PDE8B: variants seen among roughly 807,000 people sequenced by gnomAD.
PDE8B encodes high affinity cAMP-specific and IBMX-insensitive 3',5'-cyclic phosphodiesterase 8B.
A neutral mutation model predicts 101.3 loss-of-function variants in PDE8B; 26 were observed. That is an observed-to-expected ratio of 0.26 (90% CI 0.19 to 0.36). PDE8B has a LOEUF of 0.36. Ranked by LOEUF, PDE8B falls within the 10% of genes least tolerant of loss-of-function variation. The pLI is 1.00. For missense variants in PDE8B, 810 were observed against 1,163.1 expected, an observed-to-expected ratio of 0.70 and a Z score of 4.42; for synonymous variants, 424 against 429.3, an observed-to-expected ratio of 0.99 and a Z score of 0.15.
chr5:77,105,723 A>G, the PDE8B span: 1 of 152,226 alleles, frequency 6.6e-6, no homozygotes, highest in East Asian at 1.9e-4. Context: ...AGAAACTGCC[A>G]AAGTATTTTC....
the PDE8B span, chr5:77,086,929 C>T: frequency 6.6e-6 from 1 of 152,322 alleles, no homozygotes; most frequent in Admixed American, 6.5e-5. Flanking sequence ...GCCACAGAAT[C>T]CCGGGCCCAC....
At chr5:77,206,423 G>C (rs554521821), upstream of PDE8B, among the ~76,000 whole-genome samples, 10 of 152,334 alleles carry the variant, frequency 6.6e-5, no homozygotes, top group South Asian at 1.9e-3. Context: ...AGCTATGTGG[G>C]TTGCAATTTC....
intron 10 of PDE8B, among the ~76,000 whole-genome samples, chr5:77,373,027 CAA>C (rs35287095): frequency 1.5e-3 from 209 of 144,006 alleles, no homozygotes; most frequent in Admixed American, 1.9e-3. Context: ...GACTTCATCT[CAA>C]AAAAAAAAAA....
intron 1 of PDE8B, among the ~76,000 whole-genome samples, chr5:77,212,002 A>G (rs149859044): frequency 0.019 from 2,823 of 152,314 alleles, 40 homozygotes; most frequent in Non-Finnish European, 0.028. Context: ...TGATCTTCCC[A>G]GAGAGTGGGA....
At chr5:77,265,569 A>G (rs1761520349) in intron 1 of PDE8B, among the ~76,000 whole-genome samples, 1 of 152,204 alleles carries the variant, frequency 6.6e-6, no homozygotes, top group African/African-American at 2.4e-5. Context: ...AATAATTTTT[A>G]AAACTCCCAT....
In PDE8B at chr5:77,210,689, C is replaced by A. The variant is rs1748062050; in HGVS notation, c.-237C>A. ...GTGCGCGCGGGGCGCTGTGTATGCG[C>A]GCTCCCCCGCTCGGGGAGGAAGATG... On this transcript the variant is annotated 5_prime_UTR_variant, in exon 1 of 22. Coordinates refer to ENST00000264917, the MANE Select transcript of PDE8B (RefSeq NM_003719.5). The surrounding 1 kb of genome is among the most constrained non-coding windows in gnomAD (Gnocchi z 4.9). 1 of 979,756 alleles carries A rather than the reference C, an allele frequency of 1.0e-6. No individual in the cohort carries two copies. The allele number at this position is 979,756 out of a possible 1,614,324, so 60.7% of individuals were successfully genotyped here. A position where few individuals can be genotyped will look rare whatever the true frequency, so the allele number is the denominator to read the frequency against.
intron 1 of PDE8B, among the ~76,000 whole-genome samples, chr5:77,272,730 A>T (rs1763045361): frequency 6.6e-6 from 1 of 152,168 alleles, no homozygotes; most frequent in Non-Finnish European, 1.5e-5. Context: ...AAAAACAGTT[A>T]AGAGTAGAAC....
rs1266658851 is a variant in PDE8B, at chr5:77,427,483, T to G, written c.*929T>G. The stretch of plus-strand genomic sequence containing the variant: ...TTTCTGGGTGTAAGCCCATGCAGTA[T>G]GTTGTGCCATGCACCATCTATACGT... On this transcript the variant is annotated 3_prime_UTR_variant, in exon 22 of 22. Coordinates refer to ENST00000264917, the MANE Select transcript of PDE8B (RefSeq NM_003719.5). The G allele has an allele frequency of 6.6e-6, 1 of 152,258 alleles. No individual in the cohort carries two copies. Among genetic ancestry groups the G allele is most frequent in the Non-Finnish European group, 1.5e-5 (1 of 68,046 alleles). 9.4% of individuals were successfully genotyped at this position (152,258 alleles called of 1,614,324 possible).
intron 10 of PDE8B, among the ~76,000 whole-genome samples, chr5:77,378,456 T>TAAA (rs58121927): frequency 1.4e-5 from 1 of 69,352 alleles, no homozygotes; most frequent in South Asian, 8.3e-4. Context: ...AGACTCCATC[T>TAAA]AAAAAAAAAA....
intron 14 of PDE8B, chr5:77,410,969 T>C (rs529929463): frequency 7.9e-5 from 12 of 152,588 alleles, no homozygotes; most frequent in African/African-American, 2.9e-4. Context: ...TCTAGATGAT[T>C]GAGGTACTCA....
chr5:77,307,528 C>A (rs1339373090), intron 1 of PDE8B, among the ~76,000 whole-genome samples: 1 of 152,076 alleles, frequency 6.6e-6, no homozygotes, highest in African/African-American at 2.4e-5. Flanking sequence ...GTCATGGACC[C>A]ATGTTGCCAG....
At chr5:77,197,682 TCAA>T in the PDE8B span, among the ~76,000 whole-genome samples, 109 of 83,380 alleles carry the variant, frequency 1.3e-3, no homozygotes, top group Admixed American at 2.1e-3. Flanking sequence ...TAGCGGTCTA[TCAA>T]TTTAGTTAAT....
At chr5:77,324,728 A>G (rs756946557) in intron 2 of PDE8B, among the ~76,000 whole-genome samples, 2 of 152,206 alleles carry the variant, frequency 1.3e-5, no homozygotes, top group Non-Finnish European at 2.9e-5. Flanking sequence ...CCTTATGTCT[A>G]TAGGTATTTT....
intron 1 of PDE8B, among the ~76,000 whole-genome samples, chr5:77,213,004 A>G (rs768625811): frequency 1.3e-5 from 2 of 152,050 alleles, no homozygotes; most frequent in Non-Finnish European, 2.9e-5. Flanking sequence ...GTACTTGGCA[A>G]CTCTAGCTAC....
chr5:77,338,255 G>A (rs547991292), intron 6 of PDE8B, among the ~76,000 whole-genome samples: 11 of 152,148 alleles, frequency 7.2e-5, no homozygotes, highest in Admixed American at 1.3e-4. Context: ...ATTCAAAGAC[G>A]ACAAAATCCT....
chr5:77,336,811 A>C, intron 5 of PDE8B, among the ~76,000 whole-genome samples: 1 of 152,210 alleles, frequency 6.6e-6, no homozygotes, highest in East Asian at 1.9e-4. Context: ...CACTCAGAAA[A>C]TTAGGAAGGA....
Position 77,342,063 on chromosome 5 carries a change from G to A in PDE8B, c.798-2790G>A, listed in dbSNP as rs543637213. On this transcript the variant is annotated intron_variant, in intron 6 of 21. Coordinates refer to ENST00000264917, the MANE Select transcript of PDE8B (RefSeq NM_003719.5). ...GCAGTTGGCTAAAATATTGCACTCC[G>A]CACGCATACCTCACTATTATTGAAT... 4.6e-5 allele frequency among the ~76,000 whole-genome samples: 7 copies of A among 152,182 alleles called. No homozygotes were observed. In the East Asian group the frequency reaches 5.8e-4, roughly 13 times the overall value.
chr5:77,154,069 G>A, the PDE8B span, among the ~76,000 whole-genome samples: 3 of 152,098 alleles, frequency 2.0e-5, no homozygotes, highest in African/African-American at 7.2e-5. Flanking sequence ...TTTCATAATT[G>A]AAAAACTGAA....
Position 77,378,451 on chromosome 5 carries a change from C to G in PDE8B, c.1168-21797C>G, listed in dbSNP as rs537014357. ...TCCAGCCTGGCGACAGAGCAAGACT[C>G]CATCTAAAAAAAAAAAAAAAAAAAA... On this transcript the variant is annotated intron_variant, in intron 10 of 21. Transcript: ENST00000264917. 9.9e-5 allele frequency among the ~76,000 whole-genome samples: 8 copies of G among 80,738 alleles called. No homozygotes were observed. The East Asian group carries it at 2.7e-3, about 27-fold the overall frequency. 53.0% of individuals were successfully genotyped at this position (80,738 alleles called of 152,430 possible).
Sources: allele counts gnomAD v4.1 joint callset (sites outside exome capture counted in the v4.1 genomes callset), GRCh38; gene constraint gnomAD v4.1.1; non-coding constraint Gnocchi (gnomAD v3.1); transcripts MANE v1.5; gene names NCBI Gene and HGNC (gene_info 2026-07-23, HGNC 2026-07-21).